Variants in TLL1 observed in about 807,000 individuals in gnomAD.
TLL1 encodes tolloid-like protein 1.
In TLL1, 49 loss-of-function variants were observed where a neutral mutation model predicts 128.2. The ratio of observed to expected loss-of-function variants is 0.38; its 90% CI spans 0.30 to 0.48. The LOEUF (loss-of-function observed/expected upper bound fraction) is 0.48. TLL1 is among the 20% of genes least tolerant of loss of function. The pLI, the probability that TLL1 is intolerant of heterozygous loss-of-function variation, is 0.96. For missense variants in TLL1, 1,123 were observed against 1,242.0 expected (o/e 0.90, Z 1.44); for synonymous variants, 454 against 418.8 (o/e 1.08, Z -1.03).
At chr4:165,981,442 T>G (rs955561407) in intron 1 of TLL1, among the ~76,000 whole-genome samples, 1 of 152,076 alleles carries the variant, frequency 6.6e-6, no homozygotes, top group Non-Finnish European at 1.5e-5. Flanking sequence ...AAGCTTTGAG[T>G]CAAAGTATGA....
intron 1 of TLL1, among the ~76,000 whole-genome samples, chr4:165,932,148 A>T (rs1324144360): frequency 1.3e-5 from 2 of 152,216 alleles, no homozygotes; most frequent in African/African-American, 2.4e-5. Context: ...ACACCACCAG[A>T]GACATTCAAA....
intron 1 of TLL1, among the ~76,000 whole-genome samples, chr4:165,968,632 C>G (rs1319145308): frequency 6.6e-5 from 10 of 152,124 alleles, no homozygotes; most frequent in Admixed American, 5.9e-4. Flanking sequence ...AGAGAACAAT[C>G]TAAGTCAATT....
chr4:166,065,594 A>G (rs934515754), intron 15 of TLL1, 89 bp from the exon 16 acceptor site: 1 of 1,451,568 alleles, frequency 6.9e-7, no homozygotes, highest in African/African-American at 1.4e-5. Context: ...TAAGAGTAAA[A>G]TGGGAAAAAT....
At chr4:166,063,129 TA>T (rs1740410680) in intron 15 of TLL1, among the ~76,000 whole-genome samples, 1 of 152,030 alleles carries the variant, frequency 6.6e-6, no homozygotes, top group Non-Finnish European at 1.5e-5. Flanking sequence ...ACAAAGAACT[TA>T]AACAAATTTA....
At chr4:165,997,019 T>C (rs371738180) in intron 5 of TLL1, among the ~76,000 whole-genome samples, 24 of 152,042 alleles carry the variant, frequency 1.6e-4, no homozygotes, top group East Asian at 5.8e-4. Flanking sequence ...CTTTTCTCTG[T>C]GTTGTGTTTT....
intron 8 of TLL1, among the ~76,000 whole-genome samples, chr4:166,016,010 A>T (rs936845931): frequency 4.6e-5 from 7 of 152,030 alleles, no homozygotes; most frequent in East Asian, 3.9e-4. Context: ...GTTTTCAAAA[A>T]TTTTTTGTGT....
chr4:165,998,370 ACTTAT>A (rs1420092392), intron 5 of TLL1, among the ~76,000 whole-genome samples: 1 of 152,090 alleles, frequency 6.6e-6, no homozygotes, highest in Non-Finnish European at 1.5e-5. Flanking sequence ...TTTTTAATCT[ACTTAT>A]CTTTAATGAT....
In TLL1 at chr4:166,104,307, C is replaced by T. The variant is rs911383281; in HGVS notation, c.*3431C>T. ...TTAGAAGGACTGCAACCCTATGTGA[C>T]ATTATAACTTACTTAAAACAGTTAT... On this transcript the variant is annotated 3_prime_UTR_variant, in exon 21 of 21. Coordinates refer to ENST00000061240, the MANE Select transcript of TLL1 (RefSeq NM_012464.5). Among the ~76,000 whole-genome samples, 2 of 151,870 alleles carry T rather than the reference C, an allele frequency of 1.3e-5. No individual in the cohort carries two copies. Among genetic ancestry groups the T allele is most frequent in the African/African-American group, 4.8e-5 (2 of 41,404 alleles).
intron 8 of TLL1, among the ~76,000 whole-genome samples, chr4:166,015,063 A>G (rs1246105946): frequency 2.0e-5 from 3 of 151,956 alleles, no homozygotes; most frequent in Non-Finnish European, 4.4e-5. Context: ...GAACTACTCT[A>G]TGTTTTGCCC....
intron 12 of TLL1, chr4:166,044,333 C>CCCCA (rs1739365100): frequency 6.5e-7 from 1 of 1,531,980 alleles, no homozygotes; most frequent in East Asian, 2.4e-5. Context: ...AGGGCAGTGA[C>CCCCA]CGTGGTCATG....
At position 165,909,951 on chromosome 4, in the gene TLL1, T is replaced by C. The variant is rs182338843; in HGVS notation, c.169+35878T>C. ...ACTGACAAAGATCTTTATAAATTTC[T>C]AGAATGATATATTTTATAAGCAGGA... On this transcript the variant is annotated intron_variant, in intron 1 of 20. Transcript: ENST00000061240. Among the ~76,000 whole-genome samples, 169 of 152,224 alleles carry C rather than the reference T, an allele frequency of 1.1e-3. 1 individual carries two copies. Among genetic ancestry groups the C allele is most frequent in the African/African-American group, 3.8e-3 (157 of 41,530 alleles).
At chr4:165,887,892 T>C (rs978852109) in intron 1 of TLL1, among the ~76,000 whole-genome samples, 1 of 152,194 alleles carries the variant, frequency 6.6e-6, no homozygotes, top group Non-Finnish European at 1.5e-5. Context: ...GATTTATTCA[T>C]ATATTTTTAT....
intron 5 of TLL1, among the ~76,000 whole-genome samples, chr4:166,000,520 A>G (rs1737098118): frequency 6.6e-6 from 1 of 152,200 alleles, no homozygotes. Context: ...GATGTTTTAG[A>G]TGAAATAAAT....
At chr4:166,095,152 A>G (rs1019056499) in intron 19 of TLL1, among the ~76,000 whole-genome samples, 7 of 152,092 alleles carry the variant, frequency 4.6e-5, no homozygotes, top group African/African-American at 1.7e-4. Context: ...ATATTTCTGT[A>G]TACAATTTTA....
chr4:165,966,872 C>T (rs1054619199), intron 1 of TLL1, among the ~76,000 whole-genome samples: 1 of 152,162 alleles, frequency 6.6e-6, no homozygotes, highest in Non-Finnish European at 1.5e-5. Context: ...CACGCATTAT[C>T]ATTGTTAAGA....
intron 1 of TLL1, among the ~76,000 whole-genome samples, chr4:165,898,691 C>T (rs1303844449): frequency 6.6e-6 from 1 of 151,634 alleles, no homozygotes; most frequent in Non-Finnish European, 1.5e-5. Context: ...TGAATTTTTC[C>T]ATTTTTTTGT....
At chr4:165,921,365 T>A (rs1050197344) in intron 1 of TLL1, among the ~76,000 whole-genome samples, 1 of 152,218 alleles carries the variant, frequency 6.6e-6, no homozygotes, top group Non-Finnish European at 1.5e-5. Flanking sequence ...TAGAGTAGGC[T>A]AAAATGCATG....
intron 1 of TLL1, among the ~76,000 whole-genome samples, chr4:165,953,566 G>GA (rs35500206): frequency 7.6e-4 from 102 of 134,548 alleles, no homozygotes; most frequent in South Asian, 5.2e-3. Flanking sequence ...TTTTCATTTA[G>GA]AAAAAAAAAA....
In TLL1 at chr4:165,994,383, T is replaced by C; in HGVS notation, c.364T>C (p.Leu122=). 6.2e-7 allele frequency: 1 copy of C among 1,613,970 alleles called. No individual in the cohort carries two copies. Among genetic ancestry groups the C allele is most frequent in the Non-Finnish European group, 8.5e-7 (1 of 1,179,902 alleles). The change falls in exon 4 of 21, where the codon TTG becomes CTG. Residue 122 remains leucine (L), a splice_region_variant and synonymous_variant. Coordinates refer to ENST00000061240, the MANE Select transcript of TLL1 (RefSeq NM_012464.5). ...GAATGTTTTAAATGTCACTGCAGGCTTGGAGCAAAACAACACAGTTAAGGG... is the reference window on the plus strand; with the variant it reads ...GAATGTTTTAAATGTCACTGCAGGCCTGGAGCAAAACAACACAGTTAAGGG... ...IDRIRRIGFG[L]EQNNTVKGKV...
Sources: gnomAD v4.1 joint callset for allele counts (sites outside exome capture counted in the v4.1 genomes callset) on GRCh38, gnomAD v4.1.1 for gene constraint, MANE v1.5 for transcripts, NCBI Gene and HGNC (gene_info 2026-07-23, HGNC 2026-07-21) for gene names.